RBFOX1: variants seen among roughly 807,000 people sequenced by gnomAD.
The protein encoded by RBFOX1 is RNA binding fox-1 homolog 1.
RBFOX1 carries 8 observed loss-of-function variants against 57.7 expected under a neutral mutation model. The observed-to-expected ratio is 0.14, with a 90% CI of 0.08 to 0.25. RBFOX1 has a LOEUF of 0.25. Among genes scored for constraint, RBFOX1 ranks in the 10% least tolerant of loss-of-function variants. The pLI is 1.00. For missense variants in RBFOX1, 611 were observed against 548.5 expected (o/e 1.11, Z -1.14); for synonymous variants, 326 against 222.4 (o/e 1.47, Z -4.15).
At position 7,517,331 on chromosome 16, in the gene RBFOX1, C is replaced by T. The variant is rs527437125; in HGVS notation, c.28-816C>T. Among the ~76,000 whole-genome samples the T allele has an allele frequency of 7.2e-5, 11 of 151,978 alleles. No individual in the cohort carries two copies. The South Asian group carries it at 2.3e-3, about 32-fold the overall frequency. On this transcript the variant is annotated intron_variant, in intron 4 of 15. Coordinates refer to ENST00000550418, the MANE Select transcript of RBFOX1 (RefSeq NM_018723.4). ...GTCACACTGCCTGTTTTGCCTAGAT[C>T]TGAAGAATGAATTGTTATATAATAC...
chr16:6,611,845 C>T (rs1205551920), intron 2 of RBFOX1, among the ~76,000 whole-genome samples: 1 of 152,080 alleles, frequency 6.6e-6, no homozygotes. Flanking sequence ...CTGTCTCCCG[C>T]TGGGCAGTGT....
intron 2 of RBFOX1, among the ~76,000 whole-genome samples, chr16:6,501,542 T>G (rs802696): frequency 6.6e-6 from 1 of 151,692 alleles, no homozygotes; most frequent in African/African-American, 2.4e-5. Flanking sequence ...TCTATCATTG[T>G]TGGACATTTG....
In RBFOX1 at chr16:6,994,902, A is replaced by G. The variant is rs894740879; in HGVS notation, c.-15-57155A>G. Among the ~76,000 whole-genome samples, 11 of 152,052 alleles carry G rather than the reference A, an allele frequency of 7.2e-5. 1 individual carries two copies. Among genetic ancestry groups the G allele is most frequent in the Middle Eastern group, 3.4e-3 (1 of 294 alleles). On this transcript the variant is annotated intron_variant, in intron 3 of 15. Transcript: ENST00000550418. ...ATTCCAAATTAACTTGGATATCTCT[A>G]TCAGAACATATCCCTGATTGGGCAT...
At position 6,560,143 on chromosome 16, in the gene RBFOX1, A is replaced by T. The variant is rs148524795; in HGVS notation, c.-63-94460A>T. Among the ~76,000 whole-genome samples the T allele has an allele frequency of 3.1e-4, 46 of 148,322 alleles. 1 individual carries two copies. Among genetic ancestry groups the T allele is most frequent in the African/African-American group, 9.4e-4 (38 of 40,280 alleles). Reference sequence around the variant, plus strand: ...GGTAATCACTCTGTTATTCTGCCCCATGCATGGTAATCAATTCGTTTGCCA... The same window carrying T: ...GGTAATCACTCTGTTATTCTGCCCCTTGCATGGTAATCAATTCGTTTGCCA... On this transcript the variant is annotated intron_variant, in intron 2 of 15. Coordinates refer to ENST00000550418, the MANE Select transcript of RBFOX1 (RefSeq NM_018723.4).
At chr16:6,245,496 A>G (rs990018014) in intron 1 of RBFOX1, among the ~76,000 whole-genome samples, 2 of 152,188 alleles carry the variant, frequency 1.3e-5, no homozygotes, top group African/African-American at 4.8e-5. Context: ...CAATGACAAG[A>G]TAGCATGCCC....
chr16:5,989,514 A>G (rs926658711), intron 4 of RBFOX1, among the ~76,000 whole-genome samples: 1 of 152,076 alleles, frequency 6.6e-6, no homozygotes, highest in Admixed American at 6.5e-5. Flanking sequence ...TTGCTACAAG[A>G]GATAGGATTT....
intron 3 of RBFOX1, among the ~76,000 whole-genome samples, chr16:6,867,354 G>C (rs1254777689): frequency 6.6e-6 from 1 of 151,924 alleles, no homozygotes; most frequent in African/African-American, 2.4e-5. Flanking sequence ...ACCTCTCTTG[G>C]GGTAGTGATT....
chr16:7,069,341 C>G (rs1334535789), intron 4 of RBFOX1, among the ~76,000 whole-genome samples: 2 of 152,120 alleles, frequency 1.3e-5, no homozygotes, highest in Admixed American at 6.5e-5. Context: ...TTCCCTAATG[C>G]TCTCCCTCCC....
At chr16:6,849,987 T>C (rs2093979602) in intron 3 of RBFOX1, among the ~76,000 whole-genome samples, 1 of 152,220 alleles carries the variant, frequency 6.6e-6, no homozygotes, top group South Asian at 2.1e-4. Flanking sequence ...CTGTTGATTT[T>C]GGTAGATGAA....
rs1180105733 is a variant in RBFOX1, at chr16:7,587,200, T to G, written c.415-47T>G. ...AATTACTACTGTACATAGTAATGTCTACTGCATTTCTCTTCTTGCTTATAA... is the reference window on the plus strand; with the variant it reads ...AATTACTACTGTACATAGTAATGTCGACTGCATTTCTCTTCTTGCTTATAA... On this transcript the variant is annotated intron_variant, in intron 6 of 15. Transcript: ENST00000550418. 2.0e-6 allele frequency: 3 copies of G among 1,475,698 alleles called. 1 individual carries two copies. The South Asian group carries it at 4.5e-5, about 22-fold the overall frequency. 91.4% of individuals were successfully genotyped at this position (1,475,698 alleles called of 1,614,324 possible).
intron 1 of RBFOX1, among the ~76,000 whole-genome samples, chr16:5,384,985 T>A (rs974792612): frequency 6.6e-6 from 1 of 152,232 alleles, no homozygotes; most frequent in Non-Finnish European, 1.5e-5. Flanking sequence ...CTTACTGCAA[T>A]CTTTCCCCCT....
chr16:6,805,873 A>C (rs549462400), intron 3 of RBFOX1, among the ~76,000 whole-genome samples: 5 of 152,148 alleles, frequency 3.3e-5, no homozygotes, highest in African/African-American at 1.2e-4. Flanking sequence ...GGCTCTTTCC[A>C]ACACGAATCA....
chr16:7,280,346 A>G (rs933360599), intron 4 of RBFOX1, among the ~76,000 whole-genome samples: 2 of 152,170 alleles, frequency 1.3e-5, no homozygotes, highest in Non-Finnish European at 2.9e-5. Flanking sequence ...AGACCCTAAG[A>G]CTATTAACAG....
chr16:6,257,759 C>A (rs1412816675), intron 1 of RBFOX1, among the ~76,000 whole-genome samples: 2 of 152,084 alleles, frequency 1.3e-5, no homozygotes, highest in South Asian at 4.1e-4. Flanking sequence ...TGATCATGTT[C>A]TTTTTTATGG....
At chr16:5,806,634 G>C (rs545864863) in intron 3 of RBFOX1, among the ~76,000 whole-genome samples, 1 of 152,194 alleles carries the variant, frequency 6.6e-6, no homozygotes, top group Non-Finnish European at 1.5e-5. Flanking sequence ...GAAAAATCAA[G>C]CCCAAGACAG....
At chr16:6,718,240 T>C (rs2065228422) in intron 3 of RBFOX1, among the ~76,000 whole-genome samples, 1 of 152,200 alleles carries the variant, frequency 6.6e-6, no homozygotes, top group Admixed American at 6.5e-5. Context: ...TATTGGTCTT[T>C]TCCATATGGT....
At chr16:5,842,036 C>A (rs1461495490) in intron 3 of RBFOX1, among the ~76,000 whole-genome samples, 1 of 152,226 alleles carries the variant, frequency 6.6e-6, no homozygotes, top group Non-Finnish European at 1.5e-5. Context: ...GGCATTCAGG[C>A]TTCTTCTGCC....
chr16:7,312,206 C>G (rs368305003), intron 4 of RBFOX1, among the ~76,000 whole-genome samples: 6 of 152,272 alleles, frequency 3.9e-5, no homozygotes, highest in East Asian at 3.9e-4. Context: ...ATGGTGAAAC[C>G]CTGTCTCTAC....
intron 3 of RBFOX1, among the ~76,000 whole-genome samples, chr16:6,941,211 C>T (rs1033283250): frequency 2.0e-5 from 3 of 150,302 alleles, no homozygotes; most frequent in Admixed American, 1.3e-4. Context: ...TATTCCCTTC[C>T]TTCCCTCCCA....
Sources: allele counts gnomAD v4.1 joint callset (sites outside exome capture counted in the v4.1 genomes callset), GRCh38; gene constraint gnomAD v4.1.1; transcripts MANE v1.5; gene names NCBI Gene and HGNC (gene_info 2026-07-23, HGNC 2026-07-21).